Variants in HIRA observed in about 807,000 individuals in gnomAD.
HIRA encodes histone cell cycle regulator.
A neutral mutation model predicts 126.6 loss-of-function variants in HIRA; 13 were observed. The ratio of observed to expected loss-of-function variants is 0.10; its 90% CI spans 0.07 to 0.16. The LOEUF (loss-of-function observed/expected upper bound fraction) is 0.16. HIRA is among the 10% of genes least tolerant of loss of function. HIRA has a pLI of 1.00. For missense variants in HIRA, 834 were observed against 1,314.4 expected (o/e 0.63, Z 5.65); for synonymous variants, 511 against 520.0 (o/e 0.98, Z 0.24).
chr22:19,382,569 G>C (rs1370116507), intron 13 of HIRA, among the ~76,000 whole-genome samples: 1 of 152,178 alleles, frequency 6.6e-6, no homozygotes, highest in Admixed American at 6.5e-5. Context: ...CTGTACGAGT[G>C]AAGGTTTCTT....
intron 24 of HIRA, among the ~76,000 whole-genome samples, chr22:19,333,255 A>G (rs1268610369): frequency 6.6e-6 from 1 of 152,218 alleles, no homozygotes; most frequent in Non-Finnish European, 1.5e-5. Flanking sequence ...GGCAGGATTA[A>G]TCAAGAAAGA....
intron 21 of HIRA, among the ~76,000 whole-genome samples, chr22:19,354,681 CT>C (rs1264223341): frequency 3.3e-5 from 5 of 152,204 alleles, no homozygotes; most frequent in African/African-American, 1.2e-4. Flanking sequence ...GTCAATATTT[CT>C]CTTCTTAAAT....
chr22:19,398,216 A>C, intron 5 of HIRA, 129 bp from the exon 6 acceptor site: 14 of 616,704 alleles, frequency 2.3e-5, no homozygotes, highest in South Asian at 4.6e-5. Context: ...ACCTGAAAAA[A>C]CTCCCCCCAG....
intron 1 of HIRA, among the ~76,000 whole-genome samples, chr22:19,416,176 C>G (rs2089395935): frequency 6.6e-6 from 1 of 152,110 alleles, no homozygotes; most frequent in East Asian, 1.9e-4. Flanking sequence ...ACTGCACATG[C>G]AAAAGAATGA....
At position 19,387,869 on chromosome 22, in the gene HIRA, T is replaced by C. The variant is rs911888244; in HGVS notation, c.1008-53A>G. The C allele has an allele frequency of 9.6e-6, 12 of 1,252,088 alleles. No individual in the cohort carries two copies. In the Middle Eastern group the frequency reaches 5.9e-4, roughly 62 times the overall value. 77.6% of individuals were successfully genotyped at this position (1,252,088 alleles called of 1,614,324 possible). On this transcript the variant is annotated intron_variant, in intron 10 of 24. Transcript: ENST00000263208. ...GTAGCAAGAGCCCCAGGCAGACACA[T>C]GTGCCGCAGTAGCTGGCCTGTGAGG...
chr22:19,394,412 T>C lies in HIRA; in HGVS notation c.752A>G (p.Gln251Arg). The change falls in exon 8 of 25, where the codon CAG (glutamine) becomes CGG (arginine). Residue 251 changes from glutamine to arginine, a missense_variant. This residue lies in a region of HIRA where 53 missense variants were observed against 163.7 expected (regional missense o/e 0.32). Transcript: ENST00000263208. The part of the protein sequence containing the change: ...HAMNNSGPTA[Q>R]IIEREGWKTN... ...CTTCCATCCCTCCCGTTCGATGATC[T>C]GGGCAGTGGGGCCTGAGTTGTTCAT... is the stretch of plus-strand genomic sequence containing the variant. 6.2e-7 allele frequency: 1 copy of C among 1,614,158 alleles called. No individual in the cohort carries two copies. Among genetic ancestry groups the C allele is most frequent in the Non-Finnish European group, 8.5e-7 (1 of 1,180,034 alleles).
chr22:19,355,303 C>T (rs1556012121), intron 21 of HIRA, among the ~76,000 whole-genome samples: 2 of 152,060 alleles, frequency 1.3e-5, no homozygotes, highest in Admixed American at 6.5e-5. Context: ...GCTCCAAATT[C>T]CTGAGTGGAC....
Position 19,351,106 on chromosome 22 carries a change from C to T in HIRA, c.2937+252G>A, listed in dbSNP as rs1411968236. 2.0e-6 allele frequency: 2 copies of T among 984,898 alleles called. No homozygotes were observed. The highest frequency in any genetic ancestry group is 6.2e-5 in the Admixed American group (1 of 16,258). 61.0% of individuals were successfully genotyped at this position (984,898 alleles called of 1,614,324 possible). On this transcript the variant is annotated intron_variant, in intron 24 of 24. Coordinates refer to ENST00000263208, the MANE Select transcript of HIRA (RefSeq NM_003325.4). This position sits in a 1 kb window ranked among gnomAD's most constrained non-coding sequence, Gnocchi z 4.8. ...TTTGTCTTCACAACCAAGCCCAGAG[C>T]CCCTGCAGGCAGCCTCCCTCAGCAC...
In HIRA at chr22:19,353,562, TAC is replaced by T. The variant is rs528671360; in HGVS notation, c.2685-45_2685-44del. The T allele has an allele frequency of 6.7e-4, 1,034 of 1,545,892 alleles. 2 individuals are homozygous for T. The African/African-American group carries it at 9.2e-3, about 14-fold the overall frequency. On this transcript the variant is annotated intron_variant, in intron 22 of 24. Coordinates refer to ENST00000263208, the MANE Select transcript of HIRA (RefSeq NM_003325.4). ...GTTTCCATGATGGGGCAGCAGGCACTACACAGAGTCAGGAACTGCCCCCGTGT... is the reference window on the plus strand; with the variant it reads ...GTTTCCATGATGGGGCAGCAGGCACTACAGAGTCAGGAACTGCCCCCGTGT...
At chr22:19,336,555 A>G (rs143931231) in intron 24 of HIRA, among the ~76,000 whole-genome samples, 2,910 of 152,340 alleles carry the variant, frequency 0.019, 50 homozygotes, top group Non-Finnish European at 0.031. Flanking sequence ...CCACATGATG[A>G]CTTCACTGGT....
At position 19,361,223 on chromosome 22, in the gene HIRA, G is replaced by A. The variant is rs1202275041; in HGVS notation, c.2085+14C>T. ...GTGTGCCTGAGGGAGAACTGGCAGGGTCCTAGAACTTACCTGGAGGGTGAA... is the reference window on the plus strand; with the variant it reads ...GTGTGCCTGAGGGAGAACTGGCAGGATCCTAGAACTTACCTGGAGGGTGAA... On this transcript the variant is annotated intron_variant, in intron 17 of 24. Transcript: ENST00000263208. 1 of 1,597,650 alleles carries A rather than the reference G, an allele frequency of 6.3e-7. No homozygotes were observed. Among genetic ancestry groups the A allele is most frequent in the Non-Finnish European group, 8.6e-7 (1 of 1,164,962 alleles).
chr22:19,388,884 C>A (rs944936967), intron 9 of HIRA, among the ~76,000 whole-genome samples: 5 of 152,108 alleles, frequency 3.3e-5, no homozygotes, highest in Non-Finnish European at 7.4e-5. Flanking sequence ...GAGGGACAGC[C>A]CCAGGGTGGA....
intron 1 of HIRA, among the ~76,000 whole-genome samples, chr22:19,417,335 T>C (rs1258204979): frequency 6.6e-6 from 1 of 151,806 alleles, no homozygotes; most frequent in Non-Finnish European, 1.5e-5. Context: ...TTAAGATGGC[T>C]ACTAACGGCT....
intron 1 of HIRA, among the ~76,000 whole-genome samples, chr22:19,427,059 CA>C (rs2089493977): frequency 6.6e-6 from 1 of 152,146 alleles, no homozygotes; most frequent in African/African-American, 2.4e-5. Context: ...ACAAATACAC[CA>C]AAAGGCAAAT....
At chr22:19,357,967 C>T (rs937624442) in intron 18 of HIRA, among the ~76,000 whole-genome samples, 1 of 152,100 alleles carries the variant, frequency 6.6e-6, no homozygotes, top group Non-Finnish European at 1.5e-5. Flanking sequence ...CTAAGCAGCA[C>T]GGGCAACAAG....
intron 17 of HIRA, among the ~76,000 whole-genome samples, chr22:19,359,717 C>A (rs2088846501): frequency 6.6e-6 from 1 of 152,204 alleles, no homozygotes; most frequent in Non-Finnish European, 1.5e-5. Flanking sequence ...TCTACCCTGT[C>A]ATTTGTGTAG....
chr22:19,382,730 G>A (rs2089085501), intron 13 of HIRA, among the ~76,000 whole-genome samples: 1 of 152,002 alleles, frequency 6.6e-6, no homozygotes, highest in Non-Finnish European at 1.5e-5. Flanking sequence ...CTTGACAGTG[G>A]GGGTCTATTT....
intron 1 of HIRA, among the ~76,000 whole-genome samples, chr22:19,420,730 T>A (rs572633247): frequency 6.6e-6 from 1 of 151,938 alleles, no homozygotes. Flanking sequence ...AAAAAAGTTA[T>A]CTGCAAGGGT....
intron 13 of HIRA, 35 bp from the exon 14 acceptor site, chr22:19,378,101 A>T (rs376299705): frequency 2.2e-5 from 33 of 1,480,918 alleles, no homozygotes; most frequent in Admixed American, 9.0e-5. Flanking sequence ...CAGCCTTGAA[A>T]GTCAGGTGCC....
Sources: gnomAD v4.1 joint callset for allele counts (sites outside exome capture counted in the v4.1 genomes callset) on GRCh38, gnomAD v4.1.1 for gene constraint, gnomAD v4.1.1 regional missense constraint, Gnocchi (gnomAD v3.1) non-coding constraint, MANE v1.5 for transcripts, NCBI Gene and HGNC (gene_info 2026-07-23, HGNC 2026-07-21) for gene names.